The following SUCLG2 variants were observed in gnomAD, a reference collection of about 807,000 sequenced individuals.
SUCLG2 encodes the protein succinate-CoA ligase GDP-forming subunit beta.
SUCLG2 carries 42 observed loss-of-function variants against 47.9 expected under a neutral mutation model. That is an observed-to-expected ratio of 0.88 (90% CI 0.69 to 1.14). The LOEUF is 1.14. Ranked by LOEUF, SUCLG2 falls within the 50% of genes most tolerant of loss-of-function variation. The pLI, the probability that SUCLG2 is intolerant of heterozygous loss-of-function variation, is 0.00. For synonymous variants in SUCLG2, 195 were observed against 197.3 expected (o/e 0.99, Z 0.10); for missense variants, 571 against 525.9 (o/e 1.09, Z -0.84).
At chr3:67,446,919 T>C (rs1049724740) in intron 9 of SUCLG2, among the ~76,000 whole-genome samples, 1 of 152,178 alleles carries the variant, frequency 6.6e-6, no homozygotes, top group African/African-American at 2.4e-5. Context: ...ATTAATGTAA[T>C]CCTTAATAAG....
chr3:67,613,738 A>C (rs984105199), intron 1 of SUCLG2, among the ~76,000 whole-genome samples: 1 of 152,206 alleles, frequency 6.6e-6, no homozygotes, highest in Non-Finnish European at 1.5e-5. Flanking sequence ...CCATGTTACA[A>C]ATTAGGAAAC....
At position 67,408,774 on chromosome 3, in the gene SUCLG2, T is replaced by C. The variant is rs868148808; in HGVS notation, c.1063-7923A>G. The C allele has an allele frequency of 5.2e-6, 7 of 1,353,994 alleles. No homozygotes were observed. In the South Asian group the frequency reaches 1.2e-4, roughly 24 times the overall value. 83.9% of individuals were successfully genotyped at this position (1,353,994 alleles called of 1,614,324 possible). On this transcript the variant is annotated intron_variant, in intron 9 of 10. Coordinates refer to ENST00000307227, the MANE Select transcript of SUCLG2 (RefSeq NM_003848.4). ...TTTTCCTAGGTGCTAAAATTATGTATTATAACTTTCCCTGGTAAATAAACT... is the reference window on the plus strand; with the variant it reads ...TTTTCCTAGGTGCTAAAATTATGTACTATAACTTTCCCTGGTAAATAAACT...
At chr3:67,392,068 C>T (rs1397264186) in intron 10 of SUCLG2, among the ~76,000 whole-genome samples, 1 of 152,080 alleles carries the variant, frequency 6.6e-6, no homozygotes, top group Non-Finnish European at 1.5e-5. Flanking sequence ...ATTGTCCTTT[C>T]TCTTCTTACT....
At chr3:67,437,010 C>T (rs1266412890) in intron 9 of SUCLG2, among the ~76,000 whole-genome samples, 2 of 151,872 alleles carry the variant, frequency 1.3e-5, no homozygotes, top group East Asian at 1.9e-4. Context: ...TAGAAAAACA[C>T]AAAAAAGTAG....
chr3:67,423,899 G>C (rs1703235017), intron 9 of SUCLG2, among the ~76,000 whole-genome samples: 1 of 152,172 alleles, frequency 6.6e-6, no homozygotes, highest in Non-Finnish European at 1.5e-5. Flanking sequence ...TTTAGGTCCT[G>C]ACCAATAACA....
chr3:67,501,255 T>C (rs185187487), intron 7 of SUCLG2, among the ~76,000 whole-genome samples: 6 of 152,312 alleles, frequency 3.9e-5, no homozygotes, highest in Middle Eastern at 3.4e-3. Context: ...GGGATTCAAA[T>C]TGAACTGCCA....
intron 9 of SUCLG2, among the ~76,000 whole-genome samples, chr3:67,491,632 A>G (rs1016545395): frequency 2.0e-5 from 3 of 152,100 alleles, no homozygotes; most frequent in Non-Finnish European, 4.4e-5. Flanking sequence ...TGCTGAGATT[A>G]CAGGCATGAG....
intron 7 of SUCLG2, among the ~76,000 whole-genome samples, chr3:67,501,928 C>T (rs1199932602): frequency 6.6e-6 from 1 of 152,074 alleles, no homozygotes; most frequent in Non-Finnish European, 1.5e-5. Flanking sequence ...ATAAAATAAC[C>T]TTTATAATAA....
chr3:67,385,130 G>A (rs138839089), intron 10 of SUCLG2, among the ~76,000 whole-genome samples: 56 of 152,310 alleles, frequency 3.7e-4, no homozygotes, highest in Non-Finnish European at 6.9e-4. Flanking sequence ...AGGAAGAAAT[G>A]AACTGACTAG....
chr3:67,598,671 T>C (rs1361477844), intron 2 of SUCLG2, among the ~76,000 whole-genome samples: 4 of 152,158 alleles, frequency 2.6e-5, no homozygotes, highest in Non-Finnish European at 5.9e-5. Flanking sequence ...CAGGTTAAAT[T>C]ACAACCCCTG....
chr3:67,384,227 C>T (rs1268793031), intron 10 of SUCLG2, among the ~76,000 whole-genome samples: 1 of 152,148 alleles, frequency 6.6e-6, no homozygotes, highest in Non-Finnish European at 1.5e-5. Context: ...CTGCCAAATT[C>T]TTACTTGACT....
intron 9 of SUCLG2, among the ~76,000 whole-genome samples, chr3:67,478,931 C>A (rs992493308): frequency 1.3e-5 from 2 of 152,188 alleles, no homozygotes; most frequent in African/African-American, 4.8e-5. Flanking sequence ...TAAGAACTGT[C>A]TTTAGACCTT....
intron 9 of SUCLG2, among the ~76,000 whole-genome samples, chr3:67,408,106 G>A (rs1296058486): frequency 6.6e-6 from 1 of 152,140 alleles, no homozygotes; most frequent in Non-Finnish European, 1.5e-5. Context: ...AGATTGGTTC[G>A]ATTGGGACCA....
At chr3:67,471,540 CCAGAGAGAAAGA>C in intron 9 of SUCLG2, among the ~76,000 whole-genome samples, 1 of 152,218 alleles carries the variant, frequency 6.6e-6, no homozygotes, top group East Asian at 1.9e-4. Flanking sequence ...GGGAAAGTAG[CCAGAGAGAAAGA>C]CAGAGAACTC....
At position 67,574,694 on chromosome 3, in the gene SUCLG2, G is replaced by GA. The variant is rs201152420; in HGVS notation, c.226+34760dup. 7.8e-3 allele frequency among the ~76,000 whole-genome samples: 1,192 copies of GA among 152,122 alleles called. 13 individuals are homozygous for GA. Among genetic ancestry groups the GA allele is most frequent in the African/African-American group, 0.027 (1,123 of 41,512 alleles). ...AACATCAAAAGCATTCTCCAAAACA[G>GA]AAAAAAATTAGTAAGTTGGACTTTG... On this transcript the variant is annotated intron_variant, in intron 2 of 10. Coordinates refer to ENST00000307227, the MANE Select transcript of SUCLG2 (RefSeq NM_003848.4).
At chr3:67,500,163 T>C (rs1705458164) in intron 7 of SUCLG2, among the ~76,000 whole-genome samples, 1 of 152,208 alleles carries the variant, frequency 6.6e-6, no homozygotes, top group Admixed American at 6.5e-5. Flanking sequence ...ACAGAACATT[T>C]CTCACTCACT....
chr3:67,463,505 G>A (rs527863986), intron 9 of SUCLG2, among the ~76,000 whole-genome samples: 68 of 152,322 alleles, frequency 4.5e-4, no homozygotes, highest in Admixed American at 1.4e-3. Context: ...GACAAAGGAT[G>A]TAGAATAACA....
intron 9 of SUCLG2, among the ~76,000 whole-genome samples, chr3:67,406,771 C>A (rs1049760844): frequency 2.0e-5 from 3 of 152,104 alleles, no homozygotes; most frequent in African/African-American, 7.2e-5. Context: ...TTTGAGACAC[C>A]TACACAGACT....
At chr3:67,385,047 G>C (rs868210893) in intron 10 of SUCLG2, among the ~76,000 whole-genome samples, 2 of 152,164 alleles carry the variant, frequency 1.3e-5, no homozygotes, top group Non-Finnish European at 1.5e-5. Flanking sequence ...TGTAAGTCTC[G>C]TCCTGATAGC....
Sources: gnomAD v4.1 joint callset for allele counts (sites outside exome capture counted in the v4.1 genomes callset) on GRCh38, gnomAD v4.1.1 for gene constraint, MANE v1.5 for transcripts, NCBI Gene and HGNC (gene_info 2026-07-23, HGNC 2026-07-21) for gene names.